CHD7: variants seen among roughly 807,000 people sequenced by gnomAD.
The protein encoded by CHD7 is chromodomain helicase DNA binding protein 7.
A neutral mutation model predicts 307.3 loss-of-function variants in CHD7; 24 were observed. The ratio of observed to expected loss-of-function variants is 0.08; its 90% confidence interval spans 0.06 to 0.11. CHD7 has a LOEUF of 0.11. CHD7 is among the 10% of genes least tolerant of loss of function. CHD7 has a pLI of 1.00. For synonymous variants in CHD7, 1,363 were observed against 1,349.9 expected (o/e 1.01, Z -0.21); for missense variants, 3,106 against 3,727.1 (o/e 0.83, Z 4.34).
At chr8:60,847,300 C>G (rs562199258) in intron 23 of CHD7, among the ~76,000 whole-genome samples, 1 of 152,248 alleles carries the variant, frequency 6.6e-6, no homozygotes, top group East Asian at 1.9e-4. Context: ...GGGACAGTTT[C>G]CATACCCTGA....
chr8:60,808,906 A>C (rs1477355917), intron 7 of CHD7: 1 of 152,270 alleles, frequency 6.6e-6, no homozygotes, highest in Non-Finnish European at 1.5e-5. Context: ...CTGCTGAAGA[A>C]GACTGAGGCC....
intron 27 of CHD7, 68 bp downstream of exon 27, chr8:60,851,172 A>G: frequency 6.7e-7 from 1 of 1,482,864 alleles, no homozygotes; most frequent in East Asian, 2.5e-5. Flanking sequence ...AAGACTTGTT[A>G]AACTTTATAG....
At chr8:60,712,801 G>C (rs1807348286) in intron 1 of CHD7, among the ~76,000 whole-genome samples, 1 of 152,012 alleles carries the variant, frequency 6.6e-6, no homozygotes, top group South Asian at 2.1e-4. Context: ...CTGTATCCCA[G>C]CACTTTGGGA....
rs1809122712 is a variant in CHD7, at chr8:60,742,848, T to G, written c.1416T>G (p.Thr472=). 6.2e-7 allele frequency: 1 copy of G among 1,612,942 alleles called. No homozygotes were observed. The highest frequency in any genetic ancestry group is 8.5e-7 in the Non-Finnish European group (1 of 1,179,374). The change falls in exon 2 of 38, where the codon ACT becomes ACG. Residue 472 remains threonine (T), a synonymous_variant. Coordinates refer to ENST00000423902, the MANE Select transcript of CHD7 (RefSeq NM_017780.4). ...TGTCCTCGGCACCAAGGGAATTGAC[T>G]GGGCACATGAGGCCAAATGGTTGTC... ...IGMSSAPREL[T]GHMRPNGCPG... is the part of the protein sequence containing the mutation.
intron 1 of CHD7, among the ~76,000 whole-genome samples, chr8:60,680,264 G>C (rs1364390635): frequency 6.6e-6 from 1 of 151,118 alleles, no homozygotes; most frequent in African/African-American, 2.4e-5. Flanking sequence ...AAAGGAGGGC[G>C]GTGGGGGACG....
At chr8:60,752,989 A>T (rs974598960) in intron 2 of CHD7, among the ~76,000 whole-genome samples, 1 of 152,240 alleles carries the variant, frequency 6.6e-6, no homozygotes, top group African/African-American at 2.4e-5. Context: ...GACAATAAAT[A>T]AGTAGAATAT....
At chr8:60,773,309 A>T (rs1374643530) in intron 2 of CHD7, among the ~76,000 whole-genome samples, 7 of 152,184 alleles carry the variant, frequency 4.6e-5, no homozygotes, top group Non-Finnish European at 8.8e-5. Flanking sequence ...TCACAAAATT[A>T]CTTCAGGGAT....
intron 1 of CHD7, among the ~76,000 whole-genome samples, chr8:60,738,505 G>A (rs1808822636): frequency 6.6e-6 from 1 of 152,134 alleles, no homozygotes; most frequent in African/African-American, 2.4e-5. Context: ...ATAGGGCTTT[G>A]AATGAATATC....
intron 3 of CHD7, among the ~76,000 whole-genome samples, chr8:60,793,704 T>G (rs1163570142): frequency 6.6e-6 from 1 of 152,230 alleles, no homozygotes; most frequent in Non-Finnish European, 1.5e-5. Context: ...GTTTTTGAAA[T>G]ACAGCTTTTG....
intron 7 of CHD7, among the ~76,000 whole-genome samples, chr8:60,812,097 T>C (rs1460675047): frequency 6.6e-6 from 1 of 152,246 alleles, no homozygotes; most frequent in Non-Finnish European, 1.5e-5. Context: ...GTTTCGATTG[T>C]CTTTTGACTT....
chr8:60,684,133 C>A (rs187992638), intron 1 of CHD7, among the ~76,000 whole-genome samples: 464 of 152,158 alleles, frequency 3.0e-3, no homozygotes, highest in Admixed American at 4.2e-3. Context: ...TTAGAAATGT[C>A]TTTTTAAAAG....
At chr8:60,780,381 C>T (rs1811149021) in intron 2 of CHD7, among the ~76,000 whole-genome samples, 1 of 152,156 alleles carries the variant, frequency 6.6e-6, no homozygotes, top group South Asian at 2.1e-4. Context: ...AAACATGTTC[C>T]ACCTTTCATG....
rs371988345 is a variant in CHD7, at chr8:60,848,579, A to G, written c.5275A>G (p.Lys1759Glu). The change falls in exon 24 of 38, where the codon AAG becomes GAG. Residue 1759 changes from lysine to glutamate, a missense_variant. Around this residue, in one of 10 missense-constraint regions of CHD7, gnomAD observed 1,030 missense variants for 1,165.4 expected, o/e 0.88. Transcript: ENST00000423902. ...RQEVIGDQAD[K>E]ILEGADSSEA... ...AGAAGTGATAGGAGACCAGGCGGAT[A>G]AGATCTTAGAGGGTGCTGACTCAAG... 14 of 1,613,546 alleles carry G rather than the reference A, an allele frequency of 8.7e-6. No individual in the cohort carries two copies. The highest frequency in any genetic ancestry group is 1.2e-5 in the Non-Finnish European group (14 of 1,179,666).
At chr8:60,688,442 C>G (rs779593391) in intron 1 of CHD7, among the ~76,000 whole-genome samples, 1 of 152,156 alleles carries the variant, frequency 6.6e-6, no homozygotes, top group Non-Finnish European at 1.5e-5. Flanking sequence ...AACCATAATC[C>G]TACAGATGAC....
At chr8:60,779,792 T>C (rs1424555729) in intron 2 of CHD7, among the ~76,000 whole-genome samples, 1 of 152,192 alleles carries the variant, frequency 6.6e-6, no homozygotes, top group Non-Finnish European at 1.5e-5. Flanking sequence ...AGCTATTGGC[T>C]CTGATGGCAG....
rs1003924317 is a variant in CHD7 at position 60,715,300 on chromosome 8, C to T, written c.-174-25959C>T. 3.3e-5 allele frequency among the ~76,000 whole-genome samples: 5 copies of T among 150,394 alleles called. No individual in the cohort carries two copies. The South Asian group carries it at 8.4e-4, about 25-fold the overall frequency. On this transcript the variant is annotated intron_variant, in intron 1 of 37. Transcript: ENST00000423902. ...AATCAGACACCAACTCAGGGAGGGG[C>T]CTTTCCAGCACACAGAGGGCTCTGC...
At chr8:60,850,356 A>G (rs1457923327) in intron 25 of CHD7, 137 bp from the exon 26 acceptor site, 2 of 1,053,112 alleles carry the variant, frequency 1.9e-6, no homozygotes, top group Non-Finnish European at 2.7e-6. Flanking sequence ...TACTAAAACA[A>G]GGTCCACTTG....
intron 1 of CHD7, among the ~76,000 whole-genome samples, chr8:60,726,240 G>T (rs117498583): frequency 6.6e-6 from 1 of 152,184 alleles, no homozygotes. Context: ...TTCAGAAGAA[G>T]ACAGCTATAC....
chr8:60,718,684 A>G (rs1235744389), intron 1 of CHD7, among the ~76,000 whole-genome samples: 1 of 152,208 alleles, frequency 6.6e-6, no homozygotes, highest in African/African-American at 2.4e-5. Flanking sequence ...TTATTGAAGA[A>G]AGAAAAATTA....
Sources: allele counts gnomAD v4.1 joint callset (sites outside exome capture counted in the v4.1 genomes callset), GRCh38; gene constraint gnomAD v4.1.1; regional missense constraint gnomAD v4.1.1; transcripts MANE v1.5; gene names NCBI Gene and HGNC (gene_info 2026-07-23, HGNC 2026-07-21).